Variants in HELB observed in about 807,000 individuals in gnomAD.
The protein encoded by HELB is DNA helicase B.
Under a neutral mutation model 101.7 loss-of-function variants are expected in HELB, and 96 were observed. The ratio of observed to expected loss-of-function variants is 0.94; its 90% CI spans 0.80 to 1.12. The LOEUF (loss-of-function observed/expected upper bound fraction) is 1.12. Among genes scored for constraint, HELB ranks in the 50% most tolerant of loss-of-function variants. The pLI is 0.00. For synonymous variants in HELB, 437 were observed against 459.7 expected (o/e 0.95, Z 0.63); for missense variants, 1,210 against 1,291.9 (o/e 0.94, Z 0.97).
At chr12:66,340,552 T>C (rs2053910176), downstream of HELB, 1 of 151,616 alleles carries the variant, frequency 6.6e-6, no homozygotes, top group Non-Finnish European at 1.5e-5. Flanking sequence ...AAAGGGACTT[T>C]ATTAGTGTAT....
intron 1 of HELB, 56 bp downstream of exon 1, chr12:66,302,846 C>T: frequency 2.0e-6 from 3 of 1,479,198 alleles, no homozygotes; most frequent in Non-Finnish European, 2.7e-6. Flanking sequence ...TAGCGCTTCC[C>T]ATTCTGGCTT....
intron 5 of HELB, 53 bp from the exon 6 acceptor site, chr12:66,315,189 G>A: frequency 7.6e-7 from 1 of 1,323,684 alleles, no homozygotes. Flanking sequence ...AAACAATCTT[G>A]GGGGTATTTT....
At chr12:66,306,297 C>T (rs746841986) in intron 2 of HELB, 48 bp from the exon 3 acceptor site, 3 of 1,384,334 alleles carry the variant, frequency 2.2e-6, no homozygotes, top group Non-Finnish European at 2.9e-6. Flanking sequence ...ATCAGTCATT[C>T]TTTGGGTTCA....
rs1037577527 is a variant in HELB, at chr12:66,310,022, T to C, written c.1094T>C (p.Phe365Ser). 2 of 1,614,210 alleles carry C rather than the reference T, an allele frequency of 1.2e-6. No homozygotes were observed. The highest frequency in any genetic ancestry group is 1.7e-6 in the Non-Finnish European group (2 of 1,180,042). ...TACCATGCTGAAAGAGCCATCGCCT[T>C]TTCAATTTGTGACCTGATGAAGAAA... The part of the protein sequence containing the change: ...DLYHAERAIA[F>S]SICDLMKKPP... The change falls in exon 4 of 13, where the codon TTT becomes TCT. Residue 365 changes from phenylalanine to serine, a missense_variant. Around this residue, in one of 2 missense-constraint regions of HELB, gnomAD observed 470 missense variants for 563.1 expected, o/e 0.83. Transcript: ENST00000247815.
chr12:66,331,127 G>T lies in HELB; in HGVS notation c.2671-27G>T, dbSNP rs1230193347. 1.3e-6 allele frequency: 2 copies of T among 1,570,692 alleles called. 1 individual carries two copies. Among genetic ancestry groups the T allele is most frequent in the South Asian group, 2.4e-5 (2 of 83,584 alleles). On this transcript the variant is annotated intron_variant, in intron 11 of 12. Coordinates refer to ENST00000247815, the MANE Select transcript of HELB (RefSeq NM_001370285.1). Reference sequence around the variant, plus strand: ...GTCTGAACCTATTTTATAGCATTTAGTCTTCACACCATATTTTTCCTGCCA... The same window carrying T: ...GTCTGAACCTATTTTATAGCATTTATTCTTCACACCATATTTTTCCTGCCA...
chr12:66,328,841 C>G (rs989131322), intron 11 of HELB, among the ~76,000 whole-genome samples: 5 of 152,078 alleles, frequency 3.3e-5, no homozygotes, highest in African/African-American at 1.2e-4. Context: ...AAGTAAAATA[C>G]AGGTATATTA....
chr12:66,322,595 A>G, intron 8 of HELB, 129 bp from the exon 9 acceptor site: 1 of 534,898 alleles, frequency 1.9e-6, no homozygotes. Flanking sequence ...TAAAAAGTAG[A>G]AAAATACTAT....
At chr12:66,313,909 C>T (rs2136996251) in intron 4 of HELB, 77 bp from the exon 5 acceptor site, 1 of 1,387,046 alleles carries the variant, frequency 7.2e-7, no homozygotes, top group African/African-American at 1.4e-5. Context: ...GAGTTTTGCC[C>T]CAAAATAACT....
At chr12:66,318,458 T>C (rs2053634354) in intron 6 of HELB, among the ~76,000 whole-genome samples, 180 bp from the exon 7 acceptor site, 1 of 152,166 alleles carries the variant, frequency 6.6e-6, no homozygotes, top group South Asian at 2.1e-4. Flanking sequence ...TGTAGTACCA[T>C]AAGTTTATTG....
intron 6 of HELB, among the ~76,000 whole-genome samples, chr12:66,317,018 C>CAAAAA (rs35841295): frequency 8.6e-5 from 7 of 81,510 alleles, no homozygotes; most frequent in African/African-American, 1.4e-4. Flanking sequence ...GACTCCATCT[C>CAAAAA]AAAAAAAAAA....
intron 2 of HELB, among the ~76,000 whole-genome samples, chr12:66,306,139 TTGG>T (rs1337202718): frequency 2.0e-5 from 3 of 152,164 alleles, no homozygotes; most frequent in African/African-American, 7.2e-5. Flanking sequence ...AACATAAATT[TTGG>T]TGTTAAACAC....
At chr12:66,324,626 G>C in intron 10 of HELB, 1 of 302,342 alleles carries the variant, frequency 3.3e-6, no homozygotes, top group Non-Finnish European at 6.3e-6. Flanking sequence ...TCACAGTGTA[G>C]ATACCCTCAC....
chr12:66,310,500 T>C lies in HELB; in HGVS notation c.1572T>C (p.Ser524=). ...AATGGATTACCTTTACTGAGCAAAG[T>C]CAACTAGAGGCGGACAAGGCTATAG... ...SEEWITFTEQ[S]QLEADKAIEV... is the part of the protein sequence containing the mutation. The change falls in exon 4 of 13, where the codon AGT becomes AGC. Residue 524 remains serine (S), a synonymous_variant. Coordinates refer to ENST00000247815, the MANE Select transcript of HELB (RefSeq NM_001370285.1). 2 of 1,614,104 alleles carry C rather than the reference T, an allele frequency of 1.2e-6. No homozygotes were observed. Among genetic ancestry groups the C allele is most frequent in the Non-Finnish European group, 1.7e-6 (2 of 1,179,960 alleles).
chr12:66,336,224 C>T (rs1398201887), intron 12 of HELB, among the ~76,000 whole-genome samples: 1 of 152,098 alleles, frequency 6.6e-6, no homozygotes, highest in Non-Finnish European at 1.5e-5. Flanking sequence ...TTTAGTTTGA[C>T]AGTTCCTTTT....
downstream of HELB, chr12:66,340,668 A>G (rs1479428261): frequency 1.0e-5 from 2 of 192,362 alleles, no homozygotes; most frequent in Admixed American, 6.0e-5. Flanking sequence ...GTCCCACAAT[A>G]GGTTGTCTGC....
In HELB at chr12:66,318,686, T is replaced by C; in HGVS notation, c.2049T>C (p.Ser683=). 1 of 1,606,994 alleles carries C rather than the reference T, an allele frequency of 6.2e-7. No homozygotes were observed. The highest frequency in any genetic ancestry group is 8.5e-7 in the Non-Finnish European group (1 of 1,178,228). ...AATTTGATGCAGAACTAAATATCTC[T>C]GATAATCCAACATTACCCATCTCAA... is the stretch of plus-strand genomic sequence containing the variant. The part of the protein sequence containing the change: ...FPKFDAELNI[S]DNPTLPISIQ... Residue 683 remains serine, a synonymous_variant, in exon 7 of 13, where the codon TCT becomes TCC. Transcript: ENST00000247815.
chr12:66,306,970 A>C (rs2053484063), intron 3 of HELB, among the ~76,000 whole-genome samples: 1 of 152,166 alleles, frequency 6.6e-6, no homozygotes, highest in South Asian at 2.1e-4. Context: ...TCATGGTGTC[A>C]TTTGATTTTT....
In HELB at chr12:66,315,368, T is replaced by C; in HGVS notation, c.1985T>C (p.Val662Ala). ...TNHRAESQLI[V>A]DNATRISRRQ... ...CATAGAGCAGAATCTCAGCTCATTG[T>C]GGACAATGCTACAAGGTATAATATT... The change falls in exon 6 of 13, where the codon GTG becomes GCG. Residue 662 changes from valine to alanine, a missense_variant. This residue lies in a region of HELB where 740 missense variants were observed against 728.8 expected (regional missense o/e 1.02). Transcript: ENST00000247815. 6.3e-7 allele frequency: 1 copy of C among 1,595,900 alleles called. No homozygotes were observed. Among genetic ancestry groups the C allele is most frequent in the Non-Finnish European group, 8.5e-7 (1 of 1,172,332 alleles).
chr12:66,321,175 C>T (rs563514341), intron 7 of HELB, among the ~76,000 whole-genome samples: 1 of 152,300 alleles, frequency 6.6e-6, no homozygotes, highest in South Asian at 2.1e-4. Context: ...ATTAGGGAAA[C>T]ATACATGGGA....
Sources: gnomAD v4.1 joint callset for allele counts (sites outside exome capture counted in the v4.1 genomes callset) on GRCh38, gnomAD v4.1.1 for gene constraint, gnomAD v4.1.1 regional missense constraint, MANE v1.5 for transcripts, NCBI Gene and HGNC (gene_info 2026-07-23, HGNC 2026-07-21) for gene names.